Variants in SLC4A8 observed in about 807,000 individuals in gnomAD.
The protein encoded by SLC4A8 is electroneutral sodium bicarbonate exchanger 1.
A neutral mutation model predicts 125.0 loss-of-function variants in SLC4A8; 40 were observed. That is an observed-to-expected ratio of 0.32 (90% CI 0.25 to 0.42). The LOEUF (loss-of-function observed/expected upper bound fraction) is 0.42. Ranked by LOEUF, SLC4A8 falls within the 10% of genes least tolerant of loss-of-function variation. The probability of loss-of-function intolerance (pLI) is 1.00; values close to 1 mark genes in which losing one functional copy is unlikely to be tolerated. For synonymous variants in SLC4A8, 456 were observed against 476.0 expected (o/e 0.96, Z 0.55); for missense variants, 863 against 1,355.1 (o/e 0.64, Z 5.70).
intron 2 of SLC4A8, among the ~76,000 whole-genome samples, chr12:51,450,480 C>T (rs1949929755): frequency 6.6e-6 from 1 of 152,132 alleles, no homozygotes; most frequent in Admixed American, 6.5e-5. Flanking sequence ...GTGCTCTTAA[C>T]GACTTTTCTA....
chr12:51,488,046 CAG>C (rs1951206702), intron 17 of SLC4A8, among the ~76,000 whole-genome samples: 1 of 152,198 alleles, frequency 6.6e-6, no homozygotes, highest in African/African-American at 2.4e-5. Context: ...TCTCTCTACA[CAG>C]AGGTTTGGAA....
In SLC4A8 at chr12:51,474,389, A is replaced by C; in HGVS notation, c.1952A>C (p.Tyr651Ser). 6.2e-7 allele frequency: 1 copy of C among 1,613,088 alleles called. No individual in the cohort carries two copies. Among genetic ancestry groups the C allele is most frequent in the Non-Finnish European group, 8.5e-7 (1 of 1,179,170 alleles). ...PENPNNHTLQYWKDHNIVTAE... is the reference protein window; with the variant it reads ...PENPNNHTLQSWKDHNIVTAE... ...AATCCAAACAATCACACCCTCCAGTACTGGAAGGACCACAACATCGTGACA... is the reference window on the plus strand; with the variant it reads ...AATCCAAACAATCACACCCTCCAGTCCTGGAAGGACCACAACATCGTGACA... The change falls in exon 15 of 25, where the codon TAC (tyrosine) becomes TCC (serine). Residue 651 changes from tyrosine to serine, a missense_variant. By Grantham distance (144) the Tyr-to-Ser change is moderately radical. Coordinates refer to ENST00000453097, the MANE Select transcript of SLC4A8 (RefSeq NM_001039960.3).
In SLC4A8 at chr12:51,450,813, TTTG is replaced by T. The variant is rs556727308; in HGVS notation, c.131-51_131-49del. ...TTTTTCTCTTAACTATGCTAGGCTT[TTTG>T]TTGTTGTTGTTTTTTAAAACTAAAG... On this transcript the variant is annotated intron_variant, in intron 2 of 24. Transcript: ENST00000453097. 297 of 1,562,168 alleles carry T rather than the reference TTTG, an allele frequency of 1.9e-4. 1 individual carries two copies. In the East Asian group the frequency reaches 5.9e-3, roughly 31 times the overall value.
chr12:51,485,989 T>C, intron 17 of SLC4A8, 89 bp downstream of exon 17: 2 of 755,374 alleles, frequency 2.6e-6, no homozygotes, highest in Non-Finnish European at 4.6e-6. Context: ...CATATCCTAA[T>C]CCTGAGTTTT....
At chr12:51,404,275 C>T (rs1480422714) in intron 1 of SLC4A8, among the ~76,000 whole-genome samples, 9 of 152,166 alleles carry the variant, frequency 5.9e-5, no homozygotes, top group Admixed American at 1.3e-4. Context: ...GGGAGGTTGA[C>T]TATGTACAAG....
At chr12:51,450,768 GACCAAAGA>G in intron 2 of SLC4A8, 100 bp from the exon 3 acceptor site, 1 of 1,231,324 alleles carries the variant, frequency 8.1e-7, no homozygotes, top group Admixed American at 2.0e-5. Context: ...GCTGTGACCA[GACCAAAGA>G]ACTGTGATAT....
intron 9 of SLC4A8, chr12:51,461,764 T>G (rs964349790): frequency 3.9e-5 from 7 of 181,380 alleles, no homozygotes; most frequent in African/African-American, 1.4e-4. Flanking sequence ...CATTTTGACA[T>G]TGAACCCACA....
At chr12:51,453,199 G>T (rs1950022324) in intron 4 of SLC4A8, among the ~76,000 whole-genome samples, 1 of 152,024 alleles carries the variant, frequency 6.6e-6, no homozygotes, top group Non-Finnish European at 1.5e-5. Context: ...GCTCATTATA[G>T]AAAGTTTAAG....
At chr12:51,490,705 G>A (rs1951291930) in intron 19 of SLC4A8, among the ~76,000 whole-genome samples, 1 of 152,100 alleles carries the variant, frequency 6.6e-6, no homozygotes, top group Non-Finnish European at 1.5e-5. Context: ...TCAGGGCCAT[G>A]TGGCTCATGG....
chr12:51,475,604 C>T (rs959442945), intron 16 of SLC4A8, among the ~76,000 whole-genome samples: 4 of 152,208 alleles, frequency 2.6e-5, no homozygotes, highest in Non-Finnish European at 4.4e-5. Flanking sequence ...ACCCAAAAAT[C>T]TTCTCCCAGG....
chr12:51,459,825 C>T (rs1592220595), intron 7 of SLC4A8, 126 bp from the exon 8 acceptor site: 9 of 745,244 alleles, frequency 1.2e-5, no homozygotes, highest in South Asian at 3.7e-5. Flanking sequence ...GCTGAGATTG[C>T]GCCACTGCAC....
In SLC4A8 at chr12:51,514,317, C is replaced by A. The variant is rs572669120; in HGVS notation, c.*6879C>A. On this transcript the variant is annotated 3_prime_UTR_variant, in exon 25 of 25. Transcript: ENST00000453097. ...CTTTCTTCTGGTCATAGGTGTTGGG[C>A]CTCCCATTAGGTAGAAGTCCTTTGA... 1 of 152,634 alleles carries A rather than the reference C, an allele frequency of 6.6e-6. No homozygotes were observed. Among genetic ancestry groups the A allele is most frequent in the Non-Finnish European group, 1.5e-5 (1 of 68,058 alleles). The allele number at this position is 152,634 out of a possible 1,614,324, so 9.5% of individuals were successfully genotyped here.
intron 1 of SLC4A8, among the ~76,000 whole-genome samples, chr12:51,429,585 G>A (rs1000231899): frequency 2.6e-5 from 4 of 151,994 alleles, no homozygotes; most frequent in Admixed American, 2.0e-4. Context: ...TCACTGCAGC[G>A]TCGACCTCCT....
At chr12:51,398,679 A>G (rs929943311) in intron 1 of SLC4A8, among the ~76,000 whole-genome samples, 1 of 152,252 alleles carries the variant, frequency 6.6e-6, no homozygotes, top group Non-Finnish European at 1.5e-5. Flanking sequence ...CTAACTCCGC[A>G]GAGCAAACAA....
chr12:51,495,405 A>G (rs1330756975), intron 21 of SLC4A8, among the ~76,000 whole-genome samples: 1 of 151,266 alleles, frequency 6.6e-6, no homozygotes, highest in East Asian at 1.9e-4. Context: ...TAGGTACGTC[A>G]TATAAGTGAA....
chr12:51,425,367 T>G, intron 1 of SLC4A8: 1 of 1,156,426 alleles, frequency 8.6e-7, no homozygotes. Flanking sequence ...TGGCCTCGCG[T>G]TGTCCTGCCA....
chr12:51,446,670 G>A (rs1282587244), intron 2 of SLC4A8, among the ~76,000 whole-genome samples: 1 of 152,206 alleles, frequency 6.6e-6, no homozygotes, highest in African/African-American at 2.4e-5. Context: ...GCCCTGGTGA[G>A]TACTTTATTT....
At chr12:51,425,171 G>C in intron 1 of SLC4A8, 136 bp downstream of exon 1, 1 of 1,430,776 alleles carries the variant, frequency 7.0e-7, no homozygotes, top group Non-Finnish European at 9.1e-7. Flanking sequence ...GCCAGCCCGG[G>C]ACACCAGGGG....
rs1046429434 is a variant in SLC4A8 at position 51,514,113 on chromosome 12, C to G, written c.*6675C>G. On this transcript the variant is annotated 3_prime_UTR_variant, in exon 25 of 25. Coordinates refer to ENST00000453097, the MANE Select transcript of SLC4A8 (RefSeq NM_001039960.3). ...CAGAAATGCTATCAATATATTCTCT[C>G]TGTTGCTTTATCAGCTTCTCTAAAT... 6.6e-6 allele frequency: 1 copy of G among 152,624 alleles called. No homozygotes were observed. Among genetic ancestry groups the G allele is most frequent in the South Asian group, 2.1e-4 (1 of 4,822 alleles). The allele number at this position is 152,624 out of a possible 1,614,324, so 9.5% of individuals were successfully genotyped here. A position where few individuals can be genotyped will look rare whatever the true frequency, so the allele number is the denominator to read the frequency against.
Sources: allele counts gnomAD v4.1 joint callset (sites outside exome capture counted in the v4.1 genomes callset), GRCh38; gene constraint gnomAD v4.1.1; transcripts MANE v1.5; gene names NCBI Gene and HGNC (gene_info 2026-07-23, HGNC 2026-07-21).